COQ9: variants seen among roughly 807,000 people sequenced by gnomAD.
The protein encoded by COQ9 is coenzyme Q9, also known as ubiquinone biosynthesis protein COQ9, mitochondrial.
Under a neutral mutation model 42.4 loss-of-function variants are expected in COQ9, and 35 were observed. That is an observed-to-expected ratio of 0.83 (90% CI 0.63 to 1.10). The LOEUF (loss-of-function observed/expected upper bound fraction) is 1.10, where lower values mean the gene tolerates loss of function less well. Ranked by LOEUF, COQ9 falls within the 50% of genes least tolerant of loss-of-function variation. The pLI is 0.00. For missense variants in COQ9, 406 were observed against 414.6 expected, an observed-to-expected ratio of 0.98 and a Z score of 0.18; for synonymous variants, 155 against 155.1, an observed-to-expected ratio of 1.00 and a Z score of 0.00.
intron 1 of COQ9, among the ~76,000 whole-genome samples, chr16:57,449,301 G>C (rs565238180): frequency 2.7e-4 from 41 of 152,262 alleles, no homozygotes; most frequent in East Asian, 5.8e-4. Context: ...CACTTTAAAG[G>C]GGGGTAGGGT....
intron 3 of COQ9, among the ~76,000 whole-genome samples, chr16:57,455,731 C>T (rs2030387226): frequency 1.3e-5 from 2 of 152,014 alleles, no homozygotes; most frequent in African/African-American, 4.8e-5. Context: ...AACTAGGGTG[C>T]ACCAAGCAGG....
In COQ9 at chr16:57,447,547, C is replaced by A; in HGVS notation, c.42C>A (p.Gly14=). The change falls in exon 1 of 9, where the codon GGC becomes GGA. Residue 14 remains glycine (G), a synonymous_variant. Coordinates refer to ENST00000262507, the MANE Select transcript of COQ9 (RefSeq NM_020312.4). ...AAVSGALGRA[G]WRLLQLRCLP... is the part of the protein sequence containing the mutation. ...TATCTGGTGCGCTTGGCCGGGCGGGCTGGAGGCTCCTGCAGCTGCGATGCC... is the reference window on the plus strand; with the variant it reads ...TATCTGGTGCGCTTGGCCGGGCGGGATGGAGGCTCCTGCAGCTGCGATGCC... The A allele has an allele frequency of 7.7e-7, 1 of 1,301,936 alleles. No homozygotes were observed. Among genetic ancestry groups the A allele is most frequent in the Non-Finnish European group, 9.8e-7 (1 of 1,019,610 alleles). 80.6% of individuals were successfully genotyped at this position (1,301,936 alleles called of 1,614,324 possible). A position where few individuals can be genotyped will look rare whatever the true frequency, so the allele number is the denominator to read the frequency against.
intron 8 of COQ9, 52 bp from the exon 9 acceptor site, chr16:57,460,537 C>T (rs373649129): frequency 6.4e-7 from 1 of 1,563,406 alleles, no homozygotes; most frequent in South Asian, 1.1e-5. Flanking sequence ...CTATTAGAGT[C>T]TAGAGGCAAG....
chr16:57,451,263 C>T, intron 2 of COQ9, 55 bp downstream of exon 2: 2 of 1,539,012 alleles, frequency 1.3e-6, no homozygotes, highest in South Asian at 2.2e-5. Context: ...TATGTCTGTT[C>T]CTCCTTCACT....
At chr16:57,450,412 C>CAAAAAAAAAAAAAAAA (rs59815351) in intron 1 of COQ9, among the ~76,000 whole-genome samples, 1 of 92,462 alleles carries the variant, frequency 1.1e-5, no homozygotes, top group Non-Finnish European at 2.2e-5. Context: ...GAGACTCTGA[C>CAAAAAAAAAAAAAAAA]AAAAAAAAAA....
In COQ9 at chr16:57,461,126, C is replaced by T. The variant is rs1273411630; in HGVS notation, c.*502C>T. On this transcript the variant is annotated 3_prime_UTR_variant, in exon 9 of 9. Coordinates refer to ENST00000262507, the MANE Select transcript of COQ9 (RefSeq NM_020312.4). ...TCCTGAGATGCTGTTCCTGGGAGCC[C>T]CCTCAGAAAACTGCCTCACCTGAGA... 2 of 455,016 alleles carry T rather than the reference C, an allele frequency of 4.4e-6. No individual in the cohort carries two copies. Among genetic ancestry groups the T allele is most frequent in the Non-Finnish European group, 8.8e-6 (2 of 226,736 alleles). 28.2% of individuals were successfully genotyped at this position (455,016 alleles called of 1,614,324 possible).
chr16:57,459,086 A>G (rs972209667), intron 6 of COQ9, among the ~76,000 whole-genome samples: 3 of 152,242 alleles, frequency 2.0e-5, no homozygotes, highest in African/African-American at 7.2e-5. Flanking sequence ...TGCTAGAACA[A>G]TCAGAAGTTG....
At chr16:57,459,289 C>T (rs562334266) in intron 6 of COQ9, among the ~76,000 whole-genome samples, 72 of 152,366 alleles carry the variant, frequency 4.7e-4, no homozygotes, top group Middle Eastern at 3.4e-3. Flanking sequence ...GTAGCCAAAT[C>T]ATCTGGGATA....
At position 57,447,481 on chromosome 16, in the gene COQ9, C is replaced by G. The variant is rs547268811; in HGVS notation, c.-25C>G. The stretch of plus-strand genomic sequence containing the variant: ...GTCCCGTAGCTACCGGTCGCGTCGC[C>G]GTGGGCGACGTGCCCGCTTCCAAAA... On this transcript the variant is annotated 5_prime_UTR_variant, in exon 1 of 9. Coordinates refer to ENST00000262507, the MANE Select transcript of COQ9 (RefSeq NM_020312.4). The G allele has an allele frequency of 6.2e-4, 792 of 1,281,412 alleles. 4 individuals are homozygous for G. The highest frequency in any genetic ancestry group is 2.6e-3 in the East Asian group (83 of 32,132). The allele number at this position is 1,281,412 out of a possible 1,614,324, so 79.4% of individuals were successfully genotyped here.
At position 57,456,648 on chromosome 16, in the gene COQ9, T is replaced by C. The variant is rs1160280040; in HGVS notation, c.521+2T>C. On this transcript the variant is annotated splice_donor_variant, in intron 4 of 8. Coordinates refer to ENST00000262507, the MANE Select transcript of COQ9 (RefSeq NM_020312.4). LOFTEE classifies it high-confidence loss of function. ...GCTGGTACAGTTGGGCCAGGCGGAG[T>C]AAGTCCCATGGCATTACTACTCAGG... is the stretch of plus-strand genomic sequence containing the variant. 7.4e-6 allele frequency: 12 copies of C among 1,612,842 alleles called. No individual in the cohort carries two copies. Among genetic ancestry groups the C allele is most frequent in the Non-Finnish European group, 9.3e-6 (11 of 1,179,750 alleles).
At chr16:57,456,767 T>G (rs1176706608) in intron 4 of COQ9, 121 bp downstream of exon 4, 5 of 1,394,486 alleles carry the variant, frequency 3.6e-6, no homozygotes, top group Non-Finnish European at 5.0e-6. Flanking sequence ...TGGGCAGCCC[T>G]GCTGCTGTGA....
intron 8 of COQ9, 93 bp from the exon 9 acceptor site, chr16:57,460,490 GAAAAAA>G (rs373854892): frequency 1.3e-6 from 1 of 779,254 alleles, no homozygotes; most frequent in Non-Finnish European, 1.8e-6. Context: ...ATGCAAAAAA[GAAAAAA>G]AAAAAGAGAA....
At position 57,457,156 on chromosome 16, in the gene COQ9, T is replaced by C. The variant is rs866492839; in HGVS notation, c.606+141T>C. ...TAAACCCGACAATACTTAGTACACT[T>C]GGTAAAGCTGGGTTTCAAACTTGGA... On this transcript the variant is annotated intron_variant, in intron 5 of 8. Transcript: ENST00000262507. 3 of 748,672 alleles carry C rather than the reference T, an allele frequency of 4.0e-6. No homozygotes were observed. The Middle Eastern group carries it at 6.8e-4, about 170-fold the overall frequency. 46.4% of individuals were successfully genotyped at this position (748,672 alleles called of 1,614,324 possible).
chr16:57,459,446 A>C (rs1233013074), intron 6 of COQ9, 119 bp from the exon 7 acceptor site: 6 of 961,726 alleles, frequency 6.2e-6, no homozygotes, highest in Admixed American at 1.8e-5. Context: ...CCAGAGGGCC[A>C]GATGTATCTG....
rs759218547 is a variant in COQ9 at position 57,452,824 on chromosome 16, A to T, written c.266A>T (p.Glu89Val). Residue 89 changes from glutamate to valine, a missense_variant, in exon 3 of 9, where the codon GAG becomes GTG. By Grantham distance (121) the Glu-to-Val change is moderately radical. Transcript: ENST00000262507. ...PPRYTDQGGEEEEDYESEEQL... is the reference protein window; with the variant it reads ...PPRYTDQGGEVEEDYESEEQL... ...AGGTATACAGACCAGGGCGGCGAGG[A>T]GGAGGAGGACTATGAAAGTGAGGAG... 6.2e-7 allele frequency: 1 copy of T among 1,613,230 alleles called. No individual in the cohort carries two copies. Among genetic ancestry groups the T allele is most frequent in the South Asian group, 1.1e-5 (1 of 91,036 alleles).
chr16:57,455,308 C>T (rs2030375252), intron 3 of COQ9, among the ~76,000 whole-genome samples: 1 of 150,754 alleles, frequency 6.6e-6, no homozygotes, highest in Non-Finnish European at 1.5e-5. Context: ...ATCAAGCATA[C>T]AGGTCAGGAA....
intron 1 of COQ9, 178 bp from the exon 2 acceptor site, chr16:57,450,862 C>T: frequency 1.4e-6 from 1 of 709,044 alleles, no homozygotes; most frequent in Non-Finnish European, 2.5e-6. Flanking sequence ...CTTTTGCTAC[C>T]ACTTCGTGTC....
At chr16:57,450,973 G>A (rs2030272342) in intron 1 of COQ9, 67 bp from the exon 2 acceptor site, 3 of 1,563,850 alleles carry the variant, frequency 1.9e-6, no homozygotes, top group African/African-American at 2.7e-5. Context: ...CCTTATCTGT[G>A]TTACCACTCT....
chr16:57,451,297 T>G, intron 2 of COQ9, 89 bp downstream of exon 2: 1 of 1,382,178 alleles, frequency 7.2e-7, no homozygotes, highest in Non-Finnish European at 1.0e-6. Flanking sequence ...CCATCCCCTT[T>G]TGTACCTTCC....
Sources: allele counts gnomAD v4.1 joint callset (sites outside exome capture counted in the v4.1 genomes callset), GRCh38; gene constraint gnomAD v4.1.1; transcripts MANE v1.5; gene names NCBI Gene and HGNC (gene_info 2026-07-23, HGNC 2026-07-21).